PLXDC2: variants seen among roughly 807,000 people sequenced by gnomAD.
PLXDC2 encodes the protein plexin domain containing 2, also known as plexin domain-containing protein 2.
In PLXDC2, 40 loss-of-function variants were observed where a neutral mutation model predicts 68.9. The ratio of observed to expected loss-of-function variants is 0.58; its 90% CI spans 0.45 to 0.76. PLXDC2 has a LOEUF of 0.76. Among genes scored for constraint, PLXDC2 ranks in the 30% least tolerant of loss-of-function variants. The pLI is 0.00. For missense variants in PLXDC2, 644 were observed against 661.9 expected, an observed-to-expected ratio of 0.97 and a Z score of 0.30; for synonymous variants, 243 against 234.2, an observed-to-expected ratio of 1.04 and a Z score of -0.34.
At chr10:20,015,130 C>A (rs1835188868) in intron 2 of PLXDC2, among the ~76,000 whole-genome samples, 1 of 152,150 alleles carries the variant, frequency 6.6e-6, no homozygotes, top group African/African-American at 2.4e-5. Context: ...CATTTTATTC[C>A]AACAGAGCTT....
rs1157819731 is a variant in PLXDC2, at chr10:19,933,854, GA to G, written c.113-67919del. ...GGAAGGAAGGAGGGGAGGAAGGAAG[GA>G]AGGAAAGGGAGGGTGGGAGGGAGGG... is the stretch of plus-strand genomic sequence containing the variant. On this transcript the variant is annotated intron_variant, in intron 1 of 13. Coordinates refer to ENST00000377252, the MANE Select transcript of PLXDC2 (RefSeq NM_032812.9). 1.6e-4 allele frequency among the ~76,000 whole-genome samples: 18 copies of G among 109,362 alleles called. No homozygotes were observed. In the East Asian group the frequency reaches 5.7e-3, roughly 35 times the overall value. 71.7% of individuals were successfully genotyped at this position (109,362 alleles called of 152,430 possible).
intron 12 of PLXDC2, among the ~76,000 whole-genome samples, chr10:20,239,218 G>A (rs964470872): frequency 6.6e-6 from 1 of 152,130 alleles, no homozygotes; most frequent in Non-Finnish European, 1.5e-5. Flanking sequence ...ATGAGTGAAA[G>A]CTCATAAGAT....
At chr10:20,125,566 T>TA (rs1833761883) in intron 4 of PLXDC2, among the ~76,000 whole-genome samples, 1 of 152,030 alleles carries the variant, frequency 6.6e-6, no homozygotes, top group Non-Finnish European at 1.5e-5. Flanking sequence ...AAGGTGGAAA[T>TA]ATCACAGAGG....
chr10:19,918,286 T>G (rs1833402919), intron 1 of PLXDC2, among the ~76,000 whole-genome samples: 1 of 152,186 alleles, frequency 6.6e-6, no homozygotes, highest in South Asian at 2.1e-4. Context: ...ATTCCACCCA[T>G]TCTTTTCAAA....
intron 1 of PLXDC2, among the ~76,000 whole-genome samples, chr10:19,997,141 A>T (rs1589576837): frequency 6.6e-6 from 1 of 152,294 alleles, no homozygotes; most frequent in Non-Finnish European, 1.5e-5. Context: ...TCTGAACCAA[A>T]CATTCTGTAA....
intron 12 of PLXDC2, among the ~76,000 whole-genome samples, chr10:20,234,122 C>T (rs921386422): frequency 6.6e-6 from 1 of 152,078 alleles, no homozygotes; most frequent in Non-Finnish European, 1.5e-5. Flanking sequence ...CCACCGTGCC[C>T]GGCCAGCAAA....
intron 4 of PLXDC2, among the ~76,000 whole-genome samples, chr10:20,083,196 C>A (rs1363575153): frequency 1.3e-5 from 2 of 152,012 alleles, no homozygotes; most frequent in African/African-American, 4.8e-5. Context: ...CTATGTGCGG[C>A]CGGGCGGGGT....
chr10:19,878,379 AG>A (rs1339503098), intron 1 of PLXDC2, among the ~76,000 whole-genome samples: 2 of 152,188 alleles, frequency 1.3e-5, no homozygotes, highest in Admixed American at 6.5e-5. Flanking sequence ...ATAAAATAAA[AG>A]CTTATTGCCA....
chr10:20,204,373 C>T (rs779345669), intron 9 of PLXDC2, among the ~76,000 whole-genome samples: 7 of 152,076 alleles, frequency 4.6e-5, no homozygotes, highest in Non-Finnish European at 8.8e-5. Context: ...ATGTTATTGG[C>T]TATAATCACT....
chr10:20,041,695 A>G (rs1020105879), intron 2 of PLXDC2, among the ~76,000 whole-genome samples: 2 of 152,132 alleles, frequency 1.3e-5, no homozygotes, highest in African/African-American at 4.8e-5. Flanking sequence ...CAAAGATGGC[A>G]GGCTAGGTGG....
At chr10:19,882,067 T>A (rs747152743) in intron 1 of PLXDC2, among the ~76,000 whole-genome samples, 3 of 152,234 alleles carry the variant, frequency 2.0e-5, no homozygotes, top group African/African-American at 7.2e-5. Flanking sequence ...AATGTTGACA[T>A]TGAGTGCTTA....
intron 4 of PLXDC2, among the ~76,000 whole-genome samples, chr10:20,102,131 T>C (rs1263896918): frequency 1.3e-5 from 2 of 152,126 alleles, no homozygotes; most frequent in East Asian, 1.9e-4. Context: ...AAGAGATCCT[T>C]GTCTATTTCA....
chr10:19,938,605 C>A (rs1564633822), intron 1 of PLXDC2, among the ~76,000 whole-genome samples: 1 of 152,140 alleles, frequency 6.6e-6, no homozygotes, highest in Non-Finnish European at 1.5e-5. Context: ...CCCTGTGATC[C>A]AATCACCTCC....
intron 2 of PLXDC2, among the ~76,000 whole-genome samples, chr10:20,033,564 G>T (rs1451736402): frequency 6.6e-6 from 1 of 152,116 alleles, no homozygotes; most frequent in Non-Finnish European, 1.5e-5. Flanking sequence ...GCACAATCAC[G>T]GCAGAAGGCG....
intron 1 of PLXDC2, among the ~76,000 whole-genome samples, chr10:19,866,595 C>G (rs1161547705): frequency 6.6e-6 from 1 of 152,158 alleles, no homozygotes; most frequent in African/African-American, 2.4e-5. Context: ...TGTTCCCAAA[C>G]TGATACGGGG....
intron 1 of PLXDC2, among the ~76,000 whole-genome samples, chr10:19,883,780 A>T (rs1172968270): frequency 1.3e-5 from 2 of 150,962 alleles, no homozygotes; most frequent in East Asian, 3.9e-4. Flanking sequence ...TGTGCCTTTC[A>T]GTCGTCCAGT....
In PLXDC2 at chr10:19,844,133, G is replaced by T. The variant is rs560660551; in HGVS notation, c.112+26942G>T. Among the ~76,000 whole-genome samples, 3 of 152,326 alleles carry T rather than the reference G, an allele frequency of 2.0e-5. No homozygotes were observed. In the East Asian group the frequency reaches 5.8e-4, roughly 29 times the overall value. On this transcript the variant is annotated intron_variant, in intron 1 of 13. Transcript: ENST00000377252. ...GACACACAGGAAAATTGTATCTGTA[G>T]TGAGCGGTGTTCTCAACGTCAATTA...
intron 2 of PLXDC2, among the ~76,000 whole-genome samples, chr10:20,036,154 C>T (rs1833563965): frequency 6.6e-6 from 1 of 152,096 alleles, no homozygotes; most frequent in Non-Finnish European, 1.5e-5. Context: ...CGTTGTACCC[C>T]CCGCCCACTC....
intron 13 of PLXDC2, among the ~76,000 whole-genome samples, chr10:20,275,284 T>G (rs1485130934): frequency 3.9e-5 from 6 of 152,124 alleles, no homozygotes; most frequent in African/African-American, 1.4e-4. Context: ...ATGTGTTGTG[T>G]GGATCCACAG....
Sources: allele counts gnomAD v4.1 joint callset (sites outside exome capture counted in the v4.1 genomes callset), GRCh38; gene constraint gnomAD v4.1.1; transcripts MANE v1.5; gene names NCBI Gene and HGNC (gene_info 2026-07-23, HGNC 2026-07-21).